Variants in LTN1 observed in about 807,000 individuals in gnomAD.
The protein encoded by LTN1 is E3 ubiquitin-protein ligase listerin.
In LTN1, 88 loss-of-function variants were observed where a neutral mutation model predicts 201.2. The ratio of observed to expected loss-of-function variants is 0.44; its 90% confidence interval spans 0.37 to 0.52. LTN1 has a LOEUF of 0.52. LTN1 is among the 20% of genes least tolerant of loss of function. The probability of loss-of-function intolerance (pLI) is 0.00; values close to 1 mark genes in which losing one functional copy is unlikely to be tolerated. For synonymous variants in LTN1, 645 were observed against 713.5 expected (o/e 0.90, Z 1.53); for missense variants, 1,752 against 2,038.7 (o/e 0.86, Z 2.71).
chr21:28,939,367 C>T (rs773011801), intron 25 of LTN1, among the ~76,000 whole-genome samples: 12 of 152,116 alleles, frequency 7.9e-5, no homozygotes, highest in Non-Finnish European at 1.5e-4. Flanking sequence ...ACTGTGTATG[C>T]TAAGTGGGTA....
At chr21:28,938,286 TG>T (rs2146260629) in intron 25 of LTN1, among the ~76,000 whole-genome samples, 1 of 152,210 alleles carries the variant, frequency 6.6e-6, no homozygotes, top group East Asian at 1.9e-4. Flanking sequence ...AGGAGATATA[TG>T]CTTAAATACT....
At position 28,986,240 on chromosome 21, in the gene LTN1, A is replaced by G; in HGVS notation, c.247-3T>C. 1 of 1,545,742 alleles carries G rather than the reference A, an allele frequency of 6.5e-7. No individual in the cohort carries two copies. Among genetic ancestry groups the G allele is most frequent in the Non-Finnish European group, 8.9e-7 (1 of 1,118,870 alleles). ...ATGGTTCCAAATTCCTGCATAGCCTAAAAGTAAGTTATTAACATCATTAGG... is the reference window on the plus strand; with the variant it reads ...ATGGTTCCAAATTCCTGCATAGCCTGAAAGTAAGTTATTAACATCATTAGG... On this transcript the variant is annotated splice_region_variant and splice_polypyrimidine_tract_variant and intron_variant, in intron 2 of 29. Transcript: ENST00000361371. This position sits in a 1 kb window ranked among gnomAD's most constrained non-coding sequence, Gnocchi z 4.1.
chr21:28,976,746 A>G (rs544532464), intron 6 of LTN1, among the ~76,000 whole-genome samples: 4 of 152,264 alleles, frequency 2.6e-5, no homozygotes, highest in African/African-American at 9.6e-5. Context: ...GAGAAATTCA[A>G]CAAATGTACT....
intron 20 of LTN1, 23 bp from the exon 21 acceptor site, chr21:28,945,974 A>C (rs1331452231): frequency 6.3e-7 from 1 of 1,580,174 alleles, no homozygotes; most frequent in Admixed American, 1.9e-5. Context: ...TAAAAACAAA[A>C]GACAATAAAA....
At position 28,952,193 on chromosome 21, in the gene LTN1, T is replaced by A; in HGVS notation, c.3311A>T (p.Asp1104Val). 1 of 1,608,754 alleles carries A rather than the reference T, an allele frequency of 6.2e-7. No homozygotes were observed. The highest frequency in any genetic ancestry group is 8.5e-7 in the Non-Finnish European group (1 of 1,176,390). The change falls in exon 18 of 30, where the codon GAT becomes GTT. Residue 1104 changes from aspartate (D) to valine (V), a missense_variant. Asp to Val is a radical substitution (Grantham distance 152, BLOSUM62 -3). Coordinates refer to ENST00000361371, the MANE Select transcript of LTN1 (RefSeq NM_015565.3). ...KLILSRSISS[D>V]EVKPHYKRKE... The stretch of plus-strand genomic sequence containing the variant: ...TCTCTTATAATGTGGTTTTACTTCA[T>A]CAGATGAAATGCTTCGGGAAAGGAT...
chr21:28,970,570 A>C lies in LTN1; in HGVS notation c.1157T>G (p.Leu386Arg), dbSNP rs1402235544. 1 of 1,612,500 alleles carries C rather than the reference A, an allele frequency of 6.2e-7. No individual in the cohort carries two copies. The highest frequency in any genetic ancestry group is 8.5e-7 in the Non-Finnish European group (1 of 1,179,256). ...NPKLDFFKNF[L>R]TSLVAGLSTE... ...TACTTACCCAGCAACTAGAGACGTG[A>C]GGAAATTTTTGAAGAAATCCAACTT... is the stretch of plus-strand genomic sequence containing the variant. Residue 386 changes from leucine to arginine, a missense_variant, in exon 8 of 30, where the codon CTC becomes CGC. Leu to Arg is a moderately radical substitution (Grantham distance 102). Transcript: ENST00000361371.
At chr21:28,982,257 G>C in intron 5 of LTN1, 59 bp downstream of exon 5, 3 of 1,360,956 alleles carry the variant, frequency 2.2e-6, no homozygotes, top group Non-Finnish European at 3.1e-6. Flanking sequence ...GAAATCATCT[G>C]ATTACTTATG....
intron 14 of LTN1, 57 bp from the exon 15 acceptor site, chr21:28,957,533 C>T (rs2084436513): frequency 1.7e-6 from 2 of 1,207,934 alleles, no homozygotes; most frequent in Admixed American, 5.3e-5. Context: ...AGTTTGAATA[C>T]CCCAATACAT....
Position 28,928,480 on chromosome 21 carries a change from A to G in LTN1, c.*1968T>C, listed in dbSNP as rs2146246251. Reference sequence around the variant, plus strand: ...TTAATAATTTTGCTAATCTCATGCAATTTTAAAATGTCCTTAAGCTAAAAT... The same window carrying G: ...TTAATAATTTTGCTAATCTCATGCAGTTTTAAAATGTCCTTAAGCTAAAAT... On this transcript the variant is annotated 3_prime_UTR_variant, in exon 30 of 30. Coordinates refer to ENST00000361371, the MANE Select transcript of LTN1 (RefSeq NM_015565.3). 1 of 152,282 alleles carries G rather than the reference A, an allele frequency of 6.6e-6. No individual in the cohort carries two copies. The highest frequency in any genetic ancestry group is 2.1e-4 in the South Asian group (1 of 4,830). The allele number at this position is 152,282 out of a possible 1,614,324, so 9.4% of individuals were successfully genotyped here.
At chr21:28,940,267 C>A (rs1222286733) in intron 25 of LTN1, among the ~76,000 whole-genome samples, 1 of 152,198 alleles carries the variant, frequency 6.6e-6, no homozygotes, top group Admixed American at 6.5e-5. Flanking sequence ...GCAACCTCCA[C>A]TTCCCCGGCT....
intron 17 of LTN1, among the ~76,000 whole-genome samples, chr21:28,952,972 T>C (rs2084394852): frequency 6.6e-6 from 1 of 152,220 alleles, no homozygotes; most frequent in Non-Finnish European, 1.5e-5. Context: ...TCTACTTCTT[T>C]TTTGTCATCT....
At chr21:28,975,634 A>T (rs1443569159) in intron 6 of LTN1, among the ~76,000 whole-genome samples, 1 of 152,242 alleles carries the variant, frequency 6.6e-6, no homozygotes, top group East Asian at 1.9e-4. Context: ...TGAAAAAAAC[A>T]AAAACAGATG....
At chr21:28,940,566 C>T (rs1425560725) in intron 25 of LTN1, among the ~76,000 whole-genome samples, 1 of 150,956 alleles carries the variant, frequency 6.6e-6, no homozygotes, top group Non-Finnish European at 1.5e-5. Flanking sequence ...AACTGACTCC[C>T]TCCGAAAAAA....
chr21:28,977,367 C>T (rs1321726898), intron 6 of LTN1, among the ~76,000 whole-genome samples: 1 of 132,402 alleles, frequency 7.6e-6, no homozygotes, highest in East Asian at 2.4e-4. Context: ...GAGTGAGACT[C>T]CATCTCAAAA....
At chr21:28,955,350 T>C (rs1370735254) in intron 16 of LTN1, among the ~76,000 whole-genome samples, 1 of 151,910 alleles carries the variant, frequency 6.6e-6, no homozygotes, top group Non-Finnish European at 1.5e-5. Context: ...TGCAGAGAAA[T>C]AGGAACTTAT....
rs893754165 is a variant in LTN1 at position 28,973,118 on chromosome 21, C to T, written c.811-1674G>A. Among the ~76,000 whole-genome samples, 7 of 152,042 alleles carry T rather than the reference C, an allele frequency of 4.6e-5. No homozygotes were observed. In the East Asian group the frequency reaches 5.8e-4, roughly 13 times the overall value. ...ATCCCAGAACTTTGGGAGGCTGAGGCGGGCAGATCACTTAAAGCCAGGAGT... is the reference window on the plus strand; with the variant it reads ...ATCCCAGAACTTTGGGAGGCTGAGGTGGGCAGATCACTTAAAGCCAGGAGT... On this transcript the variant is annotated intron_variant, in intron 6 of 29. Transcript: ENST00000361371.
chr21:28,970,410 A>G, intron 8 of LTN1, 142 bp downstream of exon 8: 1 of 645,984 alleles, frequency 1.5e-6, no homozygotes, highest in Admixed American at 3.0e-5. Context: ...CAAGAAAAAA[A>G]TATCAATTGT....
At chr21:28,952,701 A>G (rs2084392526) in intron 17 of LTN1, among the ~76,000 whole-genome samples, 1 of 152,238 alleles carries the variant, frequency 6.6e-6, no homozygotes, top group Admixed American at 6.5e-5. Context: ...CCTCTGATAC[A>G]GCAAAGCATA....
intron 25 of LTN1, 39 bp from the exon 26 acceptor site, chr21:28,936,736 A>G: frequency 6.6e-7 from 1 of 1,504,570 alleles, no homozygotes; most frequent in African/African-American, 1.4e-5. Context: ...AACCAAATAC[A>G]CCAAGACAAT....
Sources: gnomAD v4.1 joint callset for allele counts (sites outside exome capture counted in the v4.1 genomes callset) on GRCh38, gnomAD v4.1.1 for gene constraint, Gnocchi (gnomAD v3.1) non-coding constraint, MANE v1.5 for transcripts, NCBI Gene and HGNC (gene_info 2026-07-23, HGNC 2026-07-21) for gene names.